The following COL27A1 variants were observed in gnomAD, a reference collection of about 807,000 sequenced individuals.
COL27A1 encodes the protein collagen type XXVII alpha 1 chain, also known as collagen alpha-1(XXVII) chain.
COL27A1 carries 106 observed loss-of-function variants against 251.3 expected under a neutral mutation model. That is an observed-to-expected ratio of 0.42 (90% CI 0.36 to 0.50). The LOEUF (loss-of-function observed/expected upper bound fraction) is 0.50, where lower values mean the gene tolerates loss of function less well. Among genes scored for constraint, COL27A1 ranks in the 20% least tolerant of loss-of-function variants. The probability of loss-of-function intolerance (pLI) is 0.00; values close to 1 mark genes in which losing one functional copy is unlikely to be tolerated. For missense variants in COL27A1, 2,325 were observed against 2,522.8 expected (o/e 0.92, Z 1.68); for synonymous variants, 1,000 against 986.3 (o/e 1.01, Z -0.26).
intron 36 of COL27A1, 123 bp from the exon 37 acceptor site, chr9:114,275,538 C>T (rs894724900): frequency 5.2e-5 from 33 of 632,360 alleles, no homozygotes; most frequent in Admixed American, 2.7e-4. Flanking sequence ...AGGGAACTAT[C>T]GAGAATCTAG....
intron 5 of COL27A1, among the ~76,000 whole-genome samples, chr9:114,188,195 C>A (rs529386978): frequency 6.6e-6 from 1 of 152,208 alleles, no homozygotes; most frequent in Non-Finnish European, 1.5e-5. Flanking sequence ...TTTATGCCCA[C>A]CTTTAATTAT....
rs1827626872 is a variant in COL27A1 at position 114,178,325 on chromosome 9, C to A, written c.1943C>A (p.Pro648His). 2 of 1,614,100 alleles carry A rather than the reference C, an allele frequency of 1.2e-6. No homozygotes were observed. Among genetic ancestry groups the A allele is most frequent in the South Asian group, 2.2e-5 (2 of 91,066 alleles). The change falls in exon 4 of 61, where the codon CCT becomes CAT. Residue 648 changes from proline (P) to histidine (H), a missense_variant. Physicochemically the swap from Pro to His is moderately conservative, Grantham distance 77. Coordinates refer to ENST00000356083, the MANE Select transcript of COL27A1 (RefSeq NM_032888.4). ...GGGCTACCTGGGCTACCTGGAATCC[C>A]TGGTGCACGTGGGCCTCGGGTGAGT... ...PPGLPGLPGI[P>H]GARGPRGPPG...
At chr9:114,258,877 A>G (rs556401420) in intron 28 of COL27A1, among the ~76,000 whole-genome samples, 12 of 152,314 alleles carry the variant, frequency 7.9e-5, no homozygotes, top group African/African-American at 2.4e-4. Context: ...GCACTTATTT[A>G]GCACCTACTG....
At chr9:114,248,158 G>A (rs556385717) in intron 24 of COL27A1, among the ~76,000 whole-genome samples, 5 of 152,130 alleles carry the variant, frequency 3.3e-5, no homozygotes, top group Admixed American at 1.3e-4. Context: ...TGCCTGCCTC[G>A]AGGGCTGAAA....
Position 114,168,879 on chromosome 9 carries a change from C to A in COL27A1, c.1324C>A (p.Pro442Thr). The A allele has an allele frequency of 6.2e-7, 1 of 1,614,134 alleles. No individual in the cohort carries two copies. Among genetic ancestry groups the A allele is most frequent in the Non-Finnish European group, 8.5e-7 (1 of 1,180,030 alleles). Residue 442 changes from proline (P) to threonine (T), a missense_variant, in exon 3 of 61, where the codon CCC (proline) becomes ACC (threonine). Physicochemically the swap from Pro to Thr is conservative, Grantham distance 38. This residue lies in a region of COL27A1 where 1,183 missense variants were observed against 1,144.1 expected (regional missense o/e 1.03). Transcript: ENST00000356083. Reference sequence around the variant, plus strand: ...CAGGCCCCCACCGCCCAGCACCCGGCCCCTACCTCCTACCACCAGCTCCTC... The same window carrying A: ...CAGGCCCCCACCGCCCAGCACCCGGACCCTACCTCCTACCACCAGCTCCTC... ...MPRPPPPSTR[P>T]LPPTTSSSKK... is the part of the protein sequence containing the mutation.
chr9:114,290,990 C>T lies in COL27A1; in HGVS notation c.4476+73C>T. ...TGATGCAGACTCTAGTGGTTCCGAC[C>T]CTTTGGGCACCCATGTCCCAGGGCC... On this transcript the variant is annotated intron_variant, in intron 48 of 60. Coordinates refer to ENST00000356083, the MANE Select transcript of COL27A1 (RefSeq NM_032888.4). This position sits in a 1 kb window ranked among gnomAD's most constrained non-coding sequence, Gnocchi z 4.6. The T allele has an allele frequency of 9.0e-7, 1 of 1,114,186 alleles. No homozygotes were observed. Among genetic ancestry groups the T allele is most frequent in the African/African-American group, 1.6e-5 (1 of 63,762 alleles). The allele number at this position is 1,114,186 out of a possible 1,614,324, so 69.0% of individuals were successfully genotyped here. A position where few individuals can be genotyped will look rare whatever the true frequency, so the allele number is the denominator to read the frequency against.
At chr9:114,222,343 G>T in intron 14 of COL27A1, 76 bp downstream of exon 14, 1 of 1,399,354 alleles carries the variant, frequency 7.1e-7, no homozygotes, top group Non-Finnish European at 1.0e-6. Context: ...GGGGAGCCAG[G>T]AGCAGGCCCT....
chr9:114,159,674 G>A (rs1336442261), intron 1 of COL27A1, among the ~76,000 whole-genome samples: 10 of 152,164 alleles, frequency 6.6e-5, no homozygotes, highest in African/African-American at 9.7e-5. Context: ...TGTGCTTTCC[G>A]GATTGTCAAG....
Position 114,261,929 on chromosome 9 carries a change from T to G in COL27A1, c.3196-2426T>G, listed in dbSNP as rs1349734547. On this transcript the variant is annotated intron_variant, in intron 28 of 60. Coordinates refer to ENST00000356083, the MANE Select transcript of COL27A1 (RefSeq NM_032888.4). Reference sequence around the variant, plus strand: ...TGGCTGCTACTGCTCTATTATTATTTGATGACTTAAGCTTTCTCCCAGAAA... The same window carrying G: ...TGGCTGCTACTGCTCTATTATTATTGGATGACTTAAGCTTTCTCCCAGAAA... Among the ~76,000 whole-genome samples the G allele has an allele frequency of 4.6e-5, 7 of 152,228 alleles. No homozygotes were observed. In the South Asian group the frequency reaches 1.4e-3, roughly 32 times the overall value.
At chr9:114,214,314 A>G (rs974671750) in intron 12 of COL27A1, among the ~76,000 whole-genome samples, 5 of 152,348 alleles carry the variant, frequency 3.3e-5, no homozygotes, top group African/African-American at 9.6e-5. Flanking sequence ...AGGAAGTGAC[A>G]GGGGAATGAG....
intron 7 of COL27A1, 34 bp from the exon 8 acceptor site, chr9:114,205,068 C>T (rs779012209): frequency 6.2e-7 from 1 of 1,611,618 alleles, no homozygotes. Flanking sequence ...GATGTGTCCT[C>T]CCTGCCTGAT....
Position 114,290,877 on chromosome 9 carries a change from T to C in COL27A1, c.4436T>C (p.Val1479Ala). ...GCTGGGAAGAGAGGAAATCCAGGTG[T>C]GGCCGGCTTACCTGGAGCACAGGGA... ...GPAGKRGNPG[V>A]AGLPGAQGPP... is the part of the protein sequence containing the mutation. Residue 1479 changes from valine (V) to alanine (A), a missense_variant, in exon 48 of 61, where the codon GTG (valine) becomes GCG (alanine). Val to Ala is a moderately conservative substitution (Grantham distance 64). Around this residue, in one of 4 missense-constraint regions of COL27A1, gnomAD observed 153 missense variants for 140.7 expected, o/e 1.09. Coordinates refer to ENST00000356083, the MANE Select transcript of COL27A1 (RefSeq NM_032888.4). This position sits in a 1 kb window ranked among gnomAD's most constrained non-coding sequence, Gnocchi z 4.6. The C allele has an allele frequency of 6.4e-7, 1 of 1,551,790 alleles. No homozygotes were observed. The highest frequency in any genetic ancestry group is 8.7e-7 in the Non-Finnish European group (1 of 1,147,042).
intron 12 of COL27A1, among the ~76,000 whole-genome samples, chr9:114,219,006 G>C (rs1830903111): frequency 6.6e-6 from 1 of 151,854 alleles, no homozygotes; most frequent in Non-Finnish European, 1.5e-5. Flanking sequence ...TGAATTCAAG[G>C]AGGGGAGGAG....
Position 114,209,743 on chromosome 9 carries a change from T to C in COL27A1, c.2322+15T>C. The C allele has an allele frequency of 6.2e-7, 1 of 1,613,792 alleles. No individual in the cohort carries two copies. The highest frequency in any genetic ancestry group is 8.5e-7 in the Non-Finnish European group (1 of 1,179,678). On this transcript the variant is annotated intron_variant, in intron 11 of 60. Coordinates refer to ENST00000356083, the MANE Select transcript of COL27A1 (RefSeq NM_032888.4). ...ATGGAGAACGAGTAAGTTTGCTTCT[T>C]TGGTTATTCACCATCCACAGCCACC...
At chr9:114,186,140 C>G (rs910165930) in intron 5 of COL27A1, among the ~76,000 whole-genome samples, 2 of 152,240 alleles carry the variant, frequency 1.3e-5, no homozygotes, top group Admixed American at 1.3e-4. Flanking sequence ...CAGGCCACAC[C>G]CCATCTTCCT....
Position 114,168,283 on chromosome 9 carries a change from A to G in COL27A1, c.728A>G (p.Gln243Arg), listed in dbSNP as rs1309262813. Residue 243 changes from glutamine (Q) to arginine (R), a missense_variant, in exon 3 of 61, where the codon CAG (glutamine) becomes CGG (arginine). Gln to Arg is a conservative substitution (Grantham distance 43). This residue lies in a region of COL27A1 where 1,183 missense variants were observed against 1,144.1 expected (regional missense o/e 1.03). Coordinates refer to ENST00000356083, the MANE Select transcript of COL27A1 (RefSeq NM_032888.4). ...CAGTGTGGACAGGCTGACACGTACC[A>G]GTCCCCACTGGGACCTCTCTTCTCC... ...RKQCGQADTY[Q>R]SPLGPLFSQD... is the part of the protein sequence containing the mutation. The G allele has an allele frequency of 6.2e-7, 1 of 1,613,560 alleles. No individual in the cohort carries two copies. The highest frequency in any genetic ancestry group is 2.2e-5 in the East Asian group (1 of 44,882).
At chr9:114,260,216 G>A (rs1034548978) in intron 28 of COL27A1, among the ~76,000 whole-genome samples, 8 of 152,202 alleles carry the variant, frequency 5.3e-5, no homozygotes, top group Non-Finnish European at 1.0e-4. Context: ...GTGGCTTGAA[G>A]AACGTATTCC....
chr9:114,157,627 A>G (rs1189317839), intron 1 of COL27A1, among the ~76,000 whole-genome samples: 1 of 152,152 alleles, frequency 6.6e-6, no homozygotes, highest in Admixed American at 6.5e-5. Flanking sequence ...GACCCTCTTG[A>G]TACCCACATG....
chr9:114,294,410 A>G (rs751128889), intron 49 of COL27A1, among the ~76,000 whole-genome samples: 15 of 152,196 alleles, frequency 9.9e-5, no homozygotes, highest in Non-Finnish European at 1.5e-4. Context: ...ATACACCAAT[A>G]TGCTTCATAA....
Sources: allele counts gnomAD v4.1 joint callset (sites outside exome capture counted in the v4.1 genomes callset), GRCh38; gene constraint gnomAD v4.1.1; regional missense constraint gnomAD v4.1.1; non-coding constraint Gnocchi (gnomAD v3.1); transcripts MANE v1.5; gene names NCBI Gene and HGNC (gene_info 2026-07-23, HGNC 2026-07-21).